AGGF1: variants seen among roughly 807,000 people sequenced by gnomAD.
AGGF1 encodes angiogenic factor with G patch and FHA domains 1.
AGGF1 carries 56 observed loss-of-function variants against 86.5 expected under a neutral mutation model. The observed-to-expected ratio is 0.65, with a 90% CI of 0.52 to 0.81. The LOEUF is 0.81. Ranked by LOEUF, AGGF1 falls within the 30% of genes least tolerant of loss-of-function variation. AGGF1 has a pLI of 0.00. For synonymous variants in AGGF1, 313 were observed against 297.1 expected (o/e 1.05, Z -0.55); for missense variants, 816 against 850.9 (o/e 0.96, Z 0.51).
intron 10 of AGGF1, among the ~76,000 whole-genome samples, chr5:77,054,684 T>A (rs943534095): frequency 6.6e-6 from 1 of 152,198 alleles, no homozygotes; most frequent in Admixed American, 6.5e-5. Flanking sequence ...AAAAATCATG[T>A]TGTATACCAT....
At chr5:77,035,511 A>C (rs1186271755) in intron 2 of AGGF1, 30 bp from the exon 3 acceptor site, 1 of 1,531,760 alleles carries the variant, frequency 6.5e-7, no homozygotes, top group South Asian at 1.1e-5. Context: ...TTCTAATATG[A>C]TACGATTTCA....
Position 77,039,675 on chromosome 5 carries a change from A to T in AGGF1, c.826A>T (p.Lys276Ter), listed in dbSNP as rs1469492958. The change falls in exon 5 of 14, where the codon AAG (lysine) becomes TAG (stop). Residue 276 changes from lysine (K) to a stop codon, truncating the protein, a stop_gained. Transcript: ENST00000312916. LOFTEE classifies it high-confidence loss of function. Reference sequence around the variant, plus strand: ...ACAAAGTAAAGATAAAAAATTGAAGAAGAAAAGAAAAGATCCAGATTCTTC... The same window carrying T: ...ACAAAGTAAAGATAAAAAATTGAAGTAGAAAAGAAAAGATCCAGATTCTTC... ...TKQSKDKKLK[K>*]KRKDPDSSAT... The T allele has an allele frequency of 1.2e-5, 20 of 1,611,920 alleles. No individual in the cohort carries two copies. The highest frequency in any genetic ancestry group is 1.7e-5 in the Non-Finnish European group (20 of 1,179,328).
At position 77,036,552 on chromosome 5, in the gene AGGF1, A is replaced by C; in HGVS notation, c.517-4A>C. The C allele has an allele frequency of 6.2e-7, 1 of 1,614,068 alleles. No individual in the cohort carries two copies. The highest frequency in any genetic ancestry group is 8.5e-7 in the Non-Finnish European group (1 of 1,179,948). On this transcript the variant is annotated splice_polypyrimidine_tract_variant and splice_region_variant and intron_variant, in intron 3 of 13. Transcript: ENST00000312916. ...CTTATTTGGCATGACTATATCTTTTATAGGAGCCAGCATCTGCATTAGCAA... is the reference window on the plus strand; with the variant it reads ...CTTATTTGGCATGACTATATCTTTTCTAGGAGCCAGCATCTGCATTAGCAA...
intron 5 of AGGF1, among the ~76,000 whole-genome samples, chr5:77,045,824 C>T (rs1434596827): frequency 6.6e-6 from 1 of 152,202 alleles, no homozygotes; most frequent in Admixed American, 6.5e-5. Flanking sequence ...TGAAGTTTTG[C>T]TAATCCAAAC....
At chr5:77,041,917 G>T (rs1370484199) in intron 5 of AGGF1, among the ~76,000 whole-genome samples, 17 of 150,014 alleles carry the variant, frequency 1.1e-4, no homozygotes, top group Admixed American at 4.6e-4. Flanking sequence ...AGATAAACAA[G>T]TGAACAAAGG....
In AGGF1 at chr5:77,034,529, C is replaced by T. The variant is rs55910807; in HGVS notation, c.313+9C>T. The T allele has an allele frequency of 6.4e-7, 1 of 1,566,634 alleles. No individual in the cohort carries two copies. The highest frequency in any genetic ancestry group is 8.8e-7 in the Non-Finnish European group (1 of 1,136,818). On this transcript the variant is annotated intron_variant, in intron 2 of 13. Coordinates refer to ENST00000312916, the MANE Select transcript of AGGF1 (RefSeq NM_018046.5). Reference sequence around the variant, plus strand: ...TCCTTGGTCAATCTCAGGTATTTAGCTTATAGTGAGGATATGCTAACACTG... The same window carrying T: ...TCCTTGGTCAATCTCAGGTATTTAGTTTATAGTGAGGATATGCTAACACTG...
In AGGF1 at chr5:77,036,564, A is replaced by G. The variant is rs1227248971; in HGVS notation, c.525A>G (p.Ala175=). The change falls in exon 4 of 14, where the codon GCA becomes GCG. Residue 175 remains alanine, a synonymous_variant. Coordinates refer to ENST00000312916, the MANE Select transcript of AGGF1 (RefSeq NM_018046.5). ...DHFASNSQEP[A]SALATEDTSL... is the part of the protein sequence containing the mutation. ...GACTATATCTTTTATAGGAGCCAGC[A>G]TCTGCATTAGCAACAGAAGATACCT... 6.2e-7 allele frequency: 1 copy of G among 1,614,030 alleles called. No homozygotes were observed. Among genetic ancestry groups the G allele is most frequent in the East Asian group, 2.2e-5 (1 of 44,890 alleles).
At chr5:77,054,894 A>T (rs533878829) in intron 10 of AGGF1, among the ~76,000 whole-genome samples, 1 of 152,108 alleles carries the variant, frequency 6.6e-6, no homozygotes, top group African/African-American at 2.4e-5. Flanking sequence ...TTTCTGTCCT[A>T]TTGATAGCTC....
chr5:77,063,341 G>A lies in AGGF1; in HGVS notation c.*89G>A. 7.8e-7 allele frequency: 1 copy of A among 1,285,810 alleles called. No homozygotes were observed. The highest frequency in any genetic ancestry group is 1.1e-6 in the Non-Finnish European group (1 of 913,518). 79.7% of individuals were successfully genotyped at this position (1,285,810 alleles called of 1,614,324 possible). On this transcript the variant is annotated 3_prime_UTR_variant, in exon 14 of 14. Transcript: ENST00000312916. ...CTCCCCAAAAGAATCAGCAGCACAG[G>A]GGAACTATGTCACAGTTTACCTCTT...
chr5:77,044,220 A>G (rs1207673465), intron 5 of AGGF1, among the ~76,000 whole-genome samples: 1 of 150,348 alleles, frequency 6.7e-6, no homozygotes, highest in Non-Finnish European at 1.5e-5. Context: ...TTGGGAGGCC[A>G]GGGCAGGCGG....
In AGGF1 at chr5:77,030,812, A is replaced by G; in HGVS notation, c.46A>G (p.Thr16Ala). ...CCCGCCGCGGTCGCCGCCGCCGCCC[A>G]CCTCCCCCGAGCCTGAGCTGGCCCA... is the stretch of plus-strand genomic sequence containing the variant. ...PSPPRSPPPP[T>A]SPEPELAQLR... The change falls in exon 1 of 14, where the codon ACC becomes GCC. Residue 16 changes from threonine (T) to alanine (A), a missense_variant. Coordinates refer to ENST00000312916, the MANE Select transcript of AGGF1 (RefSeq NM_018046.5). 6.2e-7 allele frequency: 1 copy of G among 1,605,270 alleles called. No homozygotes were observed. The highest frequency in any genetic ancestry group is 8.5e-7 in the Non-Finnish European group (1 of 1,178,196).
intron 12 of AGGF1, among the ~76,000 whole-genome samples, chr5:77,060,052 C>T (rs1462105565): frequency 2.0e-5 from 3 of 152,156 alleles, no homozygotes. Flanking sequence ...TGTTGTTGGC[C>T]AGGCTGGTCT....
chr5:77,031,069 C>G, intron 1 of AGGF1, 93 bp downstream of exon 1: 1 of 1,325,542 alleles, frequency 7.5e-7, no homozygotes, highest in Non-Finnish European at 1.1e-6. Context: ...GGCAGGGGCT[C>G]AGAACTACTG....
At chr5:77,040,499 T>A (rs1747056126) in intron 5 of AGGF1, among the ~76,000 whole-genome samples, 1 of 152,020 alleles carries the variant, frequency 6.6e-6, no homozygotes, top group African/African-American at 2.4e-5. Context: ...TTAAATGGCC[T>A]GCAAGACAAT....
chr5:77,032,957 C>A lies in AGGF1; in HGVS notation c.211-1461C>A, dbSNP rs577536107. ...ATTAAATGTTAATGCCTCTTATAAG[C>A]TTTAATACACTTTAAAAAAATAGTA... On this transcript the variant is annotated intron_variant, in intron 1 of 13. Coordinates refer to ENST00000312916, the MANE Select transcript of AGGF1 (RefSeq NM_018046.5). Among the ~76,000 whole-genome samples, 176 of 152,264 alleles carry A rather than the reference C, an allele frequency of 1.2e-3. No individual in the cohort carries two copies. The Middle Eastern group carries it at 0.02, about 18-fold the overall frequency.
chr5:77,043,595 C>T (rs1441767492), intron 5 of AGGF1, among the ~76,000 whole-genome samples: 18 of 118,748 alleles, frequency 1.5e-4, no homozygotes, highest in South Asian at 2.9e-4. Context: ...TGACCCCCCC[C>T]CCCCCGGATG....
intron 5 of AGGF1, among the ~76,000 whole-genome samples, chr5:77,043,597 C>T (rs866432169): frequency 0.19 from 9,943 of 51,160 alleles, 539 homozygotes; most frequent in East Asian, 0.39. Context: ...ACCCCCCCCC[C>T]CCCGGATGGC....
chr5:77,039,557 C>T lies in AGGF1; in HGVS notation c.708C>T (p.Ser236=), dbSNP rs1401862405. The T allele has an allele frequency of 3.1e-6, 5 of 1,608,682 alleles. No homozygotes were observed. In the African/African-American group the frequency reaches 5.3e-5, roughly 17 times the overall value. ...DSENQLYYDP[S]TGIYYYCDVE... ...AAAATCAACTCTATTATGATCCTTCCACTGGAATTTATTACTATTGTGATG... is the reference window on the plus strand; with the variant it reads ...AAAATCAACTCTATTATGATCCTTCTACTGGAATTTATTACTATTGTGATG... Residue 236 remains serine, a synonymous_variant, in exon 5 of 14, where the codon TCC becomes TCT. Coordinates refer to ENST00000312916, the MANE Select transcript of AGGF1 (RefSeq NM_018046.5).
chr5:77,043,467 C>A (rs868365182), intron 5 of AGGF1, among the ~76,000 whole-genome samples: 5 of 73,148 alleles, frequency 6.8e-5, no homozygotes, highest in African/African-American at 2.5e-4. Context: ...CCAGACGGGG[C>A]GGTTGGCCGG....
Sources: allele counts gnomAD v4.1 joint callset (sites outside exome capture counted in the v4.1 genomes callset), GRCh38; gene constraint gnomAD v4.1.1; transcripts MANE v1.5; gene names NCBI Gene and HGNC (gene_info 2026-07-23, HGNC 2026-07-21).